Variants in NAV3 observed in about 807,000 individuals in gnomAD.
NAV3 encodes the protein neuron navigator 3.
NAV3 carries 87 observed loss-of-function variants against 244.7 expected under a neutral mutation model. The observed-to-expected ratio is 0.36, with a 90% CI of 0.30 to 0.42. The LOEUF (loss-of-function observed/expected upper bound fraction) is 0.42. Among genes scored for constraint, NAV3 ranks in the 20% least tolerant of loss-of-function variants. The pLI is 1.00. For synonymous variants in NAV3, 1,126 were observed against 1,042.2 expected (o/e 1.08, Z -1.55); for missense variants, 2,663 against 2,893.3 (o/e 0.92, Z 1.83).
At chr12:77,756,886 T>G (rs1183506051) in intron 2 of NAV3, among the ~76,000 whole-genome samples, 2 of 152,158 alleles carry the variant, frequency 1.3e-5, no homozygotes, top group East Asian at 3.9e-4. Context: ...CAGATTCTTC[T>G]TAGTCATTCA....
At chr12:77,969,646 A>G (rs1475767949) in intron 5 of NAV3, among the ~76,000 whole-genome samples, 1 of 152,116 alleles carries the variant, frequency 6.6e-6, no homozygotes, top group Non-Finnish European at 1.5e-5. Context: ...GGAGTTCAAG[A>G]CCAGCCTGGC....
rs1461827869 is a variant in NAV3, at chr12:78,119,941, C to T, written c.3745C>T (p.Arg1249Ter). 1 of 1,609,636 alleles carries T rather than the reference C, an allele frequency of 6.2e-7. No individual in the cohort carries two copies. The highest frequency in any genetic ancestry group is 8.5e-7 in the Non-Finnish European group (1 of 1,177,236). ...KYPDIASPTFRRLFGAKAGGK... is the reference protein window; with the variant it reads ...KYPDIASPTF Reference sequence around the variant, plus strand: ...TCCAGATATTGCCTCACCCACATTTCGAAGGTAAGGATGTATAAAATGATG... The same window carrying T: ...TCCAGATATTGCCTCACCCACATTTTGAAGGTAAGGATGTATAAAATGATG... The change falls in exon 15 of 40, where the codon CGA becomes TGA. Residue 1249 changes from arginine to a stop codon, truncating the protein, a stop_gained. Coordinates refer to ENST00000397909, the MANE Select transcript of NAV3 (RefSeq NM_001024383.2). LOFTEE classifies it high-confidence loss of function.
chr12:77,696,464 C>T (rs115337605), intron 2 of NAV3, among the ~76,000 whole-genome samples: 1 of 152,200 alleles, frequency 6.6e-6, no homozygotes, highest in Non-Finnish European at 1.5e-5. Context: ...TAACCATATG[C>T]GTTCTGAAGC....
chr12:77,978,999 C>T (rs1162588996), intron 5 of NAV3, among the ~76,000 whole-genome samples: 1 of 151,462 alleles, frequency 6.6e-6, no homozygotes, highest in Non-Finnish European at 1.5e-5. Context: ...CATTATAAGT[C>T]AGTAATTTTT....
At chr12:77,960,738 C>T (rs965707399) in intron 3 of NAV3, among the ~76,000 whole-genome samples, 9 of 146,452 alleles carry the variant, frequency 6.1e-5, no homozygotes, top group African/African-American at 2.2e-4. Context: ...ACATATGTAT[C>T]ATGTATATAA....
At chr12:77,618,535 A>C (rs1306341404) in intron 2 of NAV3, among the ~76,000 whole-genome samples, 1 of 152,182 alleles carries the variant, frequency 6.6e-6, no homozygotes, top group Non-Finnish European at 1.5e-5. Flanking sequence ...AAAATAAATG[A>C]GATATGTGGA....
intron 2 of NAV3, among the ~76,000 whole-genome samples, chr12:77,626,995 CAAAACAATT>C (rs1871659877): frequency 6.6e-6 from 1 of 151,984 alleles, no homozygotes; most frequent in African/African-American, 2.4e-5. Flanking sequence ...ATATACAAGA[CAAAACAATT>C]AACAAAATGA....
intron 2 of NAV3, among the ~76,000 whole-genome samples, chr12:77,716,252 T>G (rs2137272990): frequency 6.6e-6 from 1 of 151,950 alleles, no homozygotes; most frequent in Admixed American, 6.6e-5. Context: ...AGAAATCTAA[T>G]TACATGTCCA....
chr12:78,113,283 A>G (rs1593633899), intron 12 of NAV3, among the ~76,000 whole-genome samples: 1 of 152,204 alleles, frequency 6.6e-6, no homozygotes. Context: ...TTCATCTCAC[A>G]GATCCACTAG....
chr12:78,129,092 G>A (rs1956051893), intron 18 of NAV3, among the ~76,000 whole-genome samples: 1 of 152,066 alleles, frequency 6.6e-6, no homozygotes, highest in Non-Finnish European at 1.5e-5. Context: ...TAATACTGTG[G>A]TTGTTTTCTA....
At chr12:78,134,712 A>G (rs1212036696) in intron 18 of NAV3, among the ~76,000 whole-genome samples, 1 of 152,166 alleles carries the variant, frequency 6.6e-6, no homozygotes, top group African/African-American at 2.4e-5. Context: ...TGATCGTGGC[A>G]CTGCATACTC....
chr12:77,654,390 C>T (rs147276271), intron 2 of NAV3, among the ~76,000 whole-genome samples: 5,904 of 152,146 alleles, frequency 0.039, 158 homozygotes, highest in African/African-American at 0.052. Flanking sequence ...AAGGCGGCAG[C>T]GAGGCTGGGG....
At chr12:78,197,909 T>C (rs1959204545) in intron 35 of NAV3, among the ~76,000 whole-genome samples, 1 of 151,896 alleles carries the variant, frequency 6.6e-6, no homozygotes, top group South Asian at 2.1e-4. Context: ...TCTCAGTTCA[T>C]ATTAAAGTTT....
intron 12 of NAV3, among the ~76,000 whole-genome samples, chr12:78,061,696 A>G (rs1169509465): frequency 6.6e-6 from 1 of 152,120 alleles, no homozygotes; most frequent in African/African-American, 2.4e-5. Flanking sequence ...TCTTTCAGTT[A>G]ATTTAAAATA....
intron 2 of NAV3, among the ~76,000 whole-genome samples, chr12:77,764,237 C>T (rs546404550): frequency 6.6e-6 from 1 of 152,314 alleles, no homozygotes; most frequent in East Asian, 1.9e-4. Flanking sequence ...GTATCATCTG[C>T]ATTGTTTATG....
intron 9 of NAV3, chr12:78,036,814 A>G: frequency 1.6e-6 from 1 of 632,514 alleles, no homozygotes. Context: ...ATCACAGTGT[A>G]ACAAGACAAT....
chr12:78,046,070 G>T (rs1007813054), intron 9 of NAV3, among the ~76,000 whole-genome samples: 11 of 152,192 alleles, frequency 7.2e-5, no homozygotes, highest in Non-Finnish European at 1.0e-4. Context: ...TGTGGGATCA[G>T]TGGTGATATC....
At chr12:77,752,709 G>A (rs1221788116) in intron 2 of NAV3, among the ~76,000 whole-genome samples, 1 of 152,080 alleles carries the variant, frequency 6.6e-6, no homozygotes, top group Non-Finnish European at 1.5e-5. Flanking sequence ...GATATTAATA[G>A]TCTCTACTTT....
At chr12:77,610,140 G>A (rs1650864962) in intron 2 of NAV3, among the ~76,000 whole-genome samples, 1 of 151,970 alleles carries the variant, frequency 6.6e-6, no homozygotes, top group African/African-American at 2.4e-5. Flanking sequence ...TTAGAAGGCT[G>A]CCAAATACTA....
Sources: allele counts gnomAD v4.1 joint callset (sites outside exome capture counted in the v4.1 genomes callset), GRCh38; gene constraint gnomAD v4.1.1; transcripts MANE v1.5; gene names NCBI Gene and HGNC (gene_info 2026-07-23, HGNC 2026-07-21).